Variants in HYKK observed in about 807,000 individuals in gnomAD.
HYKK encodes the protein 5-hydroxy-L-lysine kinase.
In HYKK, 19 loss-of-function variants were observed where a neutral mutation model predicts 29.7. That is an observed-to-expected ratio of 0.64 (90% CI 0.45 to 0.94). The LOEUF is 0.94. Ranked by LOEUF, HYKK falls within the 40% of genes least tolerant of loss-of-function variation. The probability of loss-of-function intolerance (pLI) is 0.00; values close to 1 mark genes in which losing one functional copy is unlikely to be tolerated. For missense variants in HYKK, 390 were observed against 443.4 expected, an observed-to-expected ratio of 0.88 and a Z score of 1.08; for synonymous variants, 152 against 158.1, an observed-to-expected ratio of 0.96 and a Z score of 0.29.
Position 78,527,276 on chromosome 15 carries a change from ACT to A in HYKK, c.478-101_478-100del, listed in dbSNP as rs545963625. ...ACTCCTGCCTGGGCGGCAGAGTAAG[ACT>A]CTGTCTCAAAAAAAAAAAAAAAAAA... On this transcript the variant is annotated intron_variant, in intron 3 of 4. Coordinates refer to ENST00000388988, the MANE Select transcript of HYKK (RefSeq NM_001013619.4). The A allele has an allele frequency of 3.2e-4, 288 of 903,690 alleles. 1 individual carries two copies. In the African/African-American group the frequency reaches 5.4e-3, roughly 17 times the overall value. The allele number at this position is 903,690 out of a possible 1,614,324, so 56.0% of individuals were successfully genotyped here. A position where few individuals can be genotyped will look rare whatever the true frequency, so the allele number is the denominator to read the frequency against.
chr15:78,529,257 T>C (rs1018796941), intron 4 of HYKK, among the ~76,000 whole-genome samples: 2 of 152,264 alleles, frequency 1.3e-5, no homozygotes, highest in African/African-American at 4.8e-5. Context: ...GGTTAACTTT[T>C]ATAACTCTAG....
chr15:78,518,907 A>C, intron 3 of HYKK: 1 of 145,118 alleles, frequency 6.9e-6, no homozygotes, highest in Non-Finnish European at 1.5e-5. Context: ...ACAGAGCAAG[A>C]CTCTGTCTAA....
downstream of HYKK, among the ~76,000 whole-genome samples, chr15:78,536,993 G>A (rs2052368134): frequency 2.0e-5 from 3 of 152,270 alleles, no homozygotes; most frequent in South Asian, 2.1e-4. Flanking sequence ...CCAGGTTCTT[G>A]GCCTTCAAAC....
chr15:78,530,378 T>G (rs1029192720), intron 4 of HYKK, among the ~76,000 whole-genome samples: 5 of 152,072 alleles, frequency 3.3e-5, no homozygotes, highest in African/African-American at 1.2e-4. Flanking sequence ...TTTTTTTGTA[T>G]TATTATTCAT....
intron 3 of HYKK, among the ~76,000 whole-genome samples, chr15:78,519,874 C>T (rs2052174386): frequency 6.6e-6 from 1 of 152,236 alleles, no homozygotes; most frequent in Admixed American, 6.5e-5. Flanking sequence ...CTGTCTGTTA[C>T]ATAATAGTTT....
chr15:78,511,038 C>T (rs1312775744), intron 1 of HYKK, among the ~76,000 whole-genome samples: 2 of 146,604 alleles, frequency 1.4e-5, no homozygotes, highest in Non-Finnish European at 3.0e-5. Flanking sequence ...AACTCCTAGC[C>T]TTGAGTGTTC....
At chr15:78,529,767 G>C (rs1209893112) in intron 4 of HYKK, among the ~76,000 whole-genome samples, 3 of 152,032 alleles carry the variant, frequency 2.0e-5, no homozygotes, top group Admixed American at 2.0e-4. Context: ...TCCTTTACTA[G>C]TTATATGTGT....
intron 3 of HYKK, among the ~76,000 whole-genome samples, chr15:78,524,800 C>G (rs1023823312): frequency 1.3e-5 from 2 of 152,062 alleles, no homozygotes; most frequent in Non-Finnish European, 1.5e-5. Context: ...CAGAGAGAGA[C>G]TCTGCCTCAA....
chr15:78,518,915 T>TAAAAAAAAAAAAAAAAAAAAAAAAAA (rs764174063), intron 3 of HYKK: 1 of 88,588 alleles, frequency 1.1e-5, no homozygotes. Flanking sequence ...AGACTCTGTC[T>TAAAAAAAAAAAAAAAAAAAAAAAAAA]AAAAAAAAAA....
intron 3 of HYKK, among the ~76,000 whole-genome samples, chr15:78,519,047 GA>G (rs1478049423): frequency 6.6e-6 from 1 of 151,110 alleles, no homozygotes; most frequent in African/African-American, 2.4e-5. Flanking sequence ...ATTATTTAAA[GA>G]AAACCAGATA....
rs777975881 is a variant in HYKK at position 78,513,216 on chromosome 15, A to G, written c.128A>G (p.Tyr43Cys). The change falls in exon 2 of 5, where the codon TAT (tyrosine) becomes TGT (cysteine). Residue 43 changes from tyrosine to cysteine, a missense_variant. Tyr to Cys is a radical substitution (Grantham distance 194). Transcript: ENST00000388988. Reference protein sequence around the residue: ...KVSKVRPLPSYDDQNFHVYVS... With the variant: ...KVSKVRPLPSCDDQNFHVYVS... Reference sequence around the variant, plus strand: ...TCCAAGGTCCGGCCACTTCCTAGCTATGATGACCAAAACTTTCATGTCTAC... The same window carrying G: ...TCCAAGGTCCGGCCACTTCCTAGCTGTGATGACCAAAACTTTCATGTCTAC... The G allele has an allele frequency of 1.2e-6, 2 of 1,614,092 alleles. No homozygotes were observed. Among genetic ancestry groups the G allele is most frequent in the South Asian group, 2.2e-5 (2 of 91,090 alleles).
At chr15:78,529,259 T>C (rs1735045024) in intron 4 of HYKK, among the ~76,000 whole-genome samples, 1 of 152,256 alleles carries the variant, frequency 6.6e-6, no homozygotes. Context: ...TTAACTTTTA[T>C]AACTCTAGAA....
intron 3 of HYKK, among the ~76,000 whole-genome samples, chr15:78,515,373 C>G (rs1262617874): frequency 6.6e-6 from 1 of 152,024 alleles, no homozygotes. Context: ...AACTTGAGAC[C>G]AGGAATTTGA....
intron 4 of HYKK, among the ~76,000 whole-genome samples, chr15:78,529,430 G>C (rs994521891): frequency 6.6e-6 from 1 of 152,196 alleles, no homozygotes; most frequent in African/African-American, 2.4e-5. Context: ...AGGATTGCTA[G>C]GTCATAGGAC....
chr15:78,513,589 C>T (rs1175278697), intron 2 of HYKK, among the ~76,000 whole-genome samples, 164 bp downstream of exon 2: 1 of 152,074 alleles, frequency 6.6e-6, no homozygotes, highest in Admixed American at 6.6e-5. Context: ...GTTGTGTTTT[C>T]GGTGCTGGGA....
intron 3 of HYKK, among the ~76,000 whole-genome samples, chr15:78,516,409 A>G (rs1352836305): frequency 6.8e-6 from 1 of 146,650 alleles, no homozygotes; most frequent in East Asian, 2.0e-4. Flanking sequence ...GCAGTGGTAC[A>G]GTCACAGCTT....
At chr15:78,526,916 A>G (rs1310250064) in intron 3 of HYKK, among the ~76,000 whole-genome samples, 1 of 152,170 alleles carries the variant, frequency 6.6e-6, no homozygotes, top group Non-Finnish European at 1.5e-5. Flanking sequence ...TAGAGCAGGT[A>G]GTCTTCTGAA....
chr15:78,509,144 C>G (rs2052046776), intron 1 of HYKK, among the ~76,000 whole-genome samples: 1 of 152,016 alleles, frequency 6.6e-6, no homozygotes, highest in South Asian at 2.1e-4. Context: ...TATTTACTCT[C>G]AAGAGTTGAC....
chr15:78,517,123 T>TC (rs2052144173), intron 3 of HYKK, among the ~76,000 whole-genome samples: 2 of 149,178 alleles, frequency 1.3e-5, no homozygotes, highest in Admixed American at 1.3e-4. Flanking sequence ...TTTTTTTTTT[T>TC]TTTTTCGAGA....
Sources: gnomAD v4.1 joint callset for allele counts (sites outside exome capture counted in the v4.1 genomes callset) on GRCh38, gnomAD v4.1.1 for gene constraint, MANE v1.5 for transcripts, NCBI Gene and HGNC (gene_info 2026-07-23, HGNC 2026-07-21) for gene names.